DSCAM: variants seen among roughly 807,000 people sequenced by gnomAD.
The protein encoded by DSCAM is DS cell adhesion molecule.
A neutral mutation model predicts 217.7 loss-of-function variants in DSCAM; 47 were observed. That is an observed-to-expected ratio of 0.22 (90% CI 0.17 to 0.28). The LOEUF (loss-of-function observed/expected upper bound fraction) is 0.28, where lower values mean the gene tolerates loss of function less well. Ranked by LOEUF, DSCAM falls within the 10% of genes least tolerant of loss-of-function variation. DSCAM has a pLI of 1.00. For synonymous variants in DSCAM, 1,056 were observed against 1,015.3 expected, an observed-to-expected ratio of 1.04 and a Z score of -0.76; for missense variants, 2,080 against 2,618.3, an observed-to-expected ratio of 0.79 and a Z score of 4.49.
At chr21:40,343,173 T>C (rs749978287) in intron 6 of DSCAM, among the ~76,000 whole-genome samples, 1 of 152,214 alleles carries the variant, frequency 6.6e-6, no homozygotes, top group Non-Finnish European at 1.5e-5. Flanking sequence ...AATGACTTTT[T>C]AAACTCTCTT....
At chr21:40,802,730 G>C (rs948665827) in intron 1 of DSCAM, among the ~76,000 whole-genome samples, 17 of 152,194 alleles carry the variant, frequency 1.1e-4, no homozygotes, top group African/African-American at 4.1e-4. Context: ...GTGATGGCCT[G>C]GGCTGCCTCA....
At chr21:40,073,029 A>G (rs1369359970) in intron 27 of DSCAM, among the ~76,000 whole-genome samples, 1 of 152,192 alleles carries the variant, frequency 6.6e-6, no homozygotes, top group African/African-American at 2.4e-5. Flanking sequence ...ATTAAATTAC[A>G]AGGAACTACT....
At position 40,552,789 on chromosome 21, in the gene DSCAM, A is replaced by G. The variant is rs1053077222; in HGVS notation, c.508+140021T>C. ...CCTACCTTCATGAACTAATTTCACC[A>G]TAATTGATGCCACATAAATAGTTTT... On this transcript the variant is annotated intron_variant, in intron 3 of 32. Transcript: ENST00000400454. Among the ~76,000 whole-genome samples the G allele has an allele frequency of 3.3e-5, 5 of 152,354 alleles. No homozygotes were observed. In the East Asian group the frequency reaches 9.6e-4, roughly 29 times the overall value.
At chr21:40,337,256 C>T (rs956153183) in intron 8 of DSCAM, among the ~76,000 whole-genome samples, 1 of 152,128 alleles carries the variant, frequency 6.6e-6, no homozygotes, top group African/African-American at 2.4e-5. Context: ...AGAACTTGGA[C>T]ACCTCAGACA....
intron 3 of DSCAM, among the ~76,000 whole-genome samples, chr21:40,660,332 G>T (rs2146378564): frequency 6.6e-6 from 1 of 152,296 alleles, no homozygotes; most frequent in Non-Finnish European, 1.5e-5. Flanking sequence ...GAGGGAGAGA[G>T]GTAGGGAGGG....
intron 8 of DSCAM, among the ~76,000 whole-genome samples, chr21:40,326,611 T>C (rs1201396083): frequency 6.6e-6 from 1 of 152,158 alleles, no homozygotes; most frequent in African/African-American, 2.4e-5. Context: ...AGAGAAGAGC[T>C]AGAGAAGGCA....
At chr21:40,112,406 C>T (rs1445181372) in intron 20 of DSCAM, among the ~76,000 whole-genome samples, 3 of 152,084 alleles carry the variant, frequency 2.0e-5, no homozygotes, top group Non-Finnish European at 4.4e-5. Flanking sequence ...CTCTGGGACA[C>T]ATTTAAGACA....
intron 16 of DSCAM, among the ~76,000 whole-genome samples, chr21:40,148,951 C>T (rs2090389326): frequency 6.6e-6 from 1 of 152,130 alleles, no homozygotes; most frequent in East Asian, 1.9e-4. Flanking sequence ...CACACTTTAA[C>T]CTCCACTACT....
chr21:40,567,337 C>G (rs764389636), intron 3 of DSCAM, among the ~76,000 whole-genome samples: 52 of 152,184 alleles, frequency 3.4e-4, no homozygotes, highest in Admixed American at 3.2e-3. Flanking sequence ...CCTTGTCTTC[C>G]TTGCTAAGAC....
chr21:40,482,786 A>C (rs1018202633), intron 3 of DSCAM, among the ~76,000 whole-genome samples: 2 of 152,190 alleles, frequency 1.3e-5, no homozygotes, highest in African/African-American at 4.8e-5. Context: ...ACAATTTATA[A>C]CTCTTAGCAC....
intron 1 of DSCAM, among the ~76,000 whole-genome samples, chr21:40,744,866 T>C (rs1260611410): frequency 6.6e-6 from 1 of 152,128 alleles, no homozygotes; most frequent in Non-Finnish European, 1.5e-5. Context: ...TTCAGAATAA[T>C]CCTCTTTAAT....
chr21:40,577,123 A>G (rs996385120), intron 3 of DSCAM, among the ~76,000 whole-genome samples: 3 of 151,874 alleles, frequency 2.0e-5, no homozygotes. Flanking sequence ...TATTATGAAC[A>G]AAATATATGT....
intron 3 of DSCAM, among the ~76,000 whole-genome samples, chr21:40,536,199 TG>T (rs1413826220): frequency 1.3e-5 from 2 of 152,182 alleles, no homozygotes; most frequent in Non-Finnish European, 2.9e-5. Flanking sequence ...TGATTTCCTG[TG>T]ATGCCGACTG....
chr21:40,748,698 C>T (rs943991494), intron 1 of DSCAM, among the ~76,000 whole-genome samples: 1 of 151,966 alleles, frequency 6.6e-6, no homozygotes, highest in African/African-American at 2.4e-5. Context: ...TAATAAAAAT[C>T]TCAATGACAT....
chr21:40,379,706 A>G (rs1436745006), intron 3 of DSCAM, among the ~76,000 whole-genome samples: 1 of 152,182 alleles, frequency 6.6e-6, no homozygotes, highest in East Asian at 1.9e-4. Context: ...TGTTTGCCCC[A>G]CTTACCTGCT....
rs114513250 is a variant in DSCAM, at chr21:40,361,182, G to A, written c.656-7439C>T. Among the ~76,000 whole-genome samples, 693 of 151,272 alleles carry A rather than the reference G, an allele frequency of 4.6e-3. 6 individuals are homozygous for A. Among genetic ancestry groups the A allele is most frequent in the African/African-American group, 0.016 (664 of 41,216 alleles). On this transcript the variant is annotated intron_variant, in intron 4 of 32. Transcript: ENST00000400454. ...ATTTTTACCCCAAACATTTGAAAAC[G>A]TACAGAAAAGTAGACAAAAATAATA...
chr21:40,666,570 T>C (rs945697906), intron 3 of DSCAM, among the ~76,000 whole-genome samples: 7 of 152,214 alleles, frequency 4.6e-5, no homozygotes, highest in African/African-American at 1.7e-4. Context: ...TGCTTCTGCC[T>C]ACAGTCAGGC....
chr21:40,139,708 G>A (rs2090264799), intron 18 of DSCAM, among the ~76,000 whole-genome samples: 2 of 151,532 alleles, frequency 1.3e-5, no homozygotes, highest in African/African-American at 4.9e-5. Flanking sequence ...GTCATGTGGT[G>A]GGTGATGTAC....
intron 3 of DSCAM, among the ~76,000 whole-genome samples, chr21:40,507,600 G>C (rs1164667874): frequency 6.6e-6 from 1 of 152,036 alleles, no homozygotes; most frequent in Admixed American, 6.6e-5. Context: ...AGACCAGCCT[G>C]GGGAACATGG....
Sources: allele counts gnomAD v4.1 joint callset (sites outside exome capture counted in the v4.1 genomes callset), GRCh38; gene constraint gnomAD v4.1.1; transcripts MANE v1.5; gene names NCBI Gene and HGNC (gene_info 2026-07-23, HGNC 2026-07-21).